TPCN1: variants seen among roughly 807,000 people sequenced by gnomAD.
The protein encoded by TPCN1 is two pore segment channel 1.
TPCN1 carries 52 observed loss-of-function variants against 108.8 expected under a neutral mutation model. That is an observed-to-expected ratio of 0.48 (90% confidence interval 0.38 to 0.60). The LOEUF is 0.60. TPCN1 is among the 20% of genes least tolerant of loss of function. TPCN1 has a pLI of 0.00. For missense variants in TPCN1, 806 were observed against 1,072.8 expected (o/e 0.75, Z 3.47); for synonymous variants, 446 against 433.7 (o/e 1.03, Z -0.35).
intron 2 of TPCN1, among the ~76,000 whole-genome samples, chr12:113,247,340 C>G (rs991233026): frequency 6.6e-6 from 1 of 152,240 alleles, no homozygotes; most frequent in Admixed American, 6.5e-5. Context: ...CACATCCTGA[C>G]TTACCAGGAC....
intron 2 of TPCN1, among the ~76,000 whole-genome samples, chr12:113,229,477 G>A (rs1043202676): frequency 3.9e-5 from 6 of 152,202 alleles, no homozygotes; most frequent in African/African-American, 1.4e-4. Flanking sequence ...TGTCCCTGCT[G>A]TCTGAGGAGC....
intron 1 of TPCN1, among the ~76,000 whole-genome samples, chr12:113,223,796 G>A (rs977980962): frequency 6.6e-6 from 1 of 151,978 alleles, no homozygotes; most frequent in Admixed American, 6.6e-5. Context: ...CACCTGCCTC[G>A]GCCTCTCAAA....
intron 2 of TPCN1, among the ~76,000 whole-genome samples, chr12:113,252,958 C>T (rs868840537): frequency 6.6e-6 from 1 of 152,208 alleles, no homozygotes; most frequent in African/African-American, 2.4e-5. Context: ...TGCAACTCCA[C>T]TGTAGTGATG....
At chr12:113,237,878 A>G (rs1415436277) in intron 2 of TPCN1, among the ~76,000 whole-genome samples, 1 of 152,150 alleles carries the variant, frequency 6.6e-6, no homozygotes, top group East Asian at 1.9e-4. Flanking sequence ...CATATCTCCC[A>G]CTTTGCCCTC....
chr12:113,271,052 G>C (rs1027810794), intron 7 of TPCN1, among the ~76,000 whole-genome samples: 1 of 152,088 alleles, frequency 6.6e-6, no homozygotes, highest in African/African-American at 2.4e-5. Context: ...GAGTCCAGGA[G>C]GTCGAGACCA....
In TPCN1 at chr12:113,268,864, C is replaced by T. The variant is rs1320331377; in HGVS notation, c.651C>T (p.Gly217=). ...TGGTGGACTGTCGGTATTGCGGTGG[C>T]GTCCGGCGGTAAGGCCCGGGTGGGG... is the stretch of plus-strand genomic sequence containing the variant. ...IFLVDCRYCG[G]VRRNLRQIFQ... The change falls in exon 6 of 28, where the codon GGC becomes GGT. Residue 217 remains glycine, a synonymous_variant. Coordinates refer to ENST00000335509, the MANE Select transcript of TPCN1 (RefSeq NM_017901.6). This position sits in a 1 kb window ranked among gnomAD's most constrained non-coding sequence, Gnocchi z 7.3. The T allele has an allele frequency of 6.2e-6, 10 of 1,613,838 alleles. No homozygotes were observed. The highest frequency in any genetic ancestry group is 1.7e-4 in the Middle Eastern group (1 of 6,048).
At chr12:113,275,852 A>G (rs1165758995) in intron 10 of TPCN1, among the ~76,000 whole-genome samples, 1 of 152,212 alleles carries the variant, frequency 6.6e-6, no homozygotes, top group Non-Finnish European at 1.5e-5. Flanking sequence ...CTGGGATTAC[A>G]GGCCACCGTG....
chr12:113,281,028 A>G (rs752992687), intron 15 of TPCN1, among the ~76,000 whole-genome samples: 4 of 152,084 alleles, frequency 2.6e-5, no homozygotes, highest in African/African-American at 4.8e-5. Flanking sequence ...GACTGATTTC[A>G]TCAATCTTAC....
At chr12:113,251,715 G>C (rs1227675299) in intron 2 of TPCN1, among the ~76,000 whole-genome samples, 1 of 152,264 alleles carries the variant, frequency 6.6e-6, no homozygotes, top group Non-Finnish European at 1.5e-5. Context: ...TAGGGAAAAG[G>C]GAGAGGGATG....
At chr12:113,249,419 A>T (rs1593116222) in intron 2 of TPCN1, 1 of 152,214 alleles carries the variant, frequency 6.6e-6, no homozygotes, top group South Asian at 2.1e-4. Context: ...CTGGATGGGG[A>T]GCCAGGAAGC....
chr12:113,292,792 G>T, intron 25 of TPCN1, 142 bp from the exon 26 acceptor site: 1 of 941,028 alleles, frequency 1.1e-6, no homozygotes, highest in Non-Finnish European at 1.6e-6. Flanking sequence ...GGGCCAACGA[G>T]GAGAGCAGGA....
rs1953727776 is a variant in TPCN1, at chr12:113,232,536, GC to G, written c.112+5576del. Among the ~76,000 whole-genome samples the G allele has an allele frequency of 6.6e-6, 1 of 152,234 alleles. No homozygotes were observed. The highest frequency in any genetic ancestry group is 1.5e-5 in the Non-Finnish European group (1 of 68,030). On this transcript the variant is annotated intron_variant, in intron 2 of 27. Coordinates refer to ENST00000335509, the MANE Select transcript of TPCN1 (RefSeq NM_017901.6). The surrounding 1 kb of genome is among the most constrained non-coding windows in gnomAD (Gnocchi z 5.6). ...CCGTGGCTCTGCCTCTGACCAGATGGCCCCAGCATACTTGCCAAAGAGTGAA... is the reference window on the plus strand; with the variant it reads ...CCGTGGCTCTGCCTCTGACCAGATGGCCCAGCATACTTGCCAAAGAGTGAA...
At chr12:113,239,128 G>C in intron 2 of TPCN1, among the ~76,000 whole-genome samples, 1 of 152,154 alleles carries the variant, frequency 6.6e-6, no homozygotes, top group East Asian at 1.9e-4. Context: ...GTAAGACCCT[G>C]TCTCTAGAAA....
chr12:113,244,580 A>G (rs890465666), intron 2 of TPCN1: 3 of 985,286 alleles, frequency 3.0e-6, no homozygotes, highest in East Asian at 2.3e-4. Flanking sequence ...CATGGTGGCA[A>G]CGCTGTGCCT....
At chr12:113,243,130 G>C (rs1181517451) in intron 2 of TPCN1, among the ~76,000 whole-genome samples, 1 of 152,200 alleles carries the variant, frequency 6.6e-6, no homozygotes, top group Admixed American at 6.5e-5. Flanking sequence ...AGCATTTTGG[G>C]AGGCTGAGGT....
chr12:113,292,954 G>A lies in TPCN1; in HGVS notation c.2134G>A (p.Glu712Lys), dbSNP rs1204868988. The change falls in exon 26 of 28, where the codon GAG becomes AAG. Residue 712 changes from glutamate to lysine, a missense_variant. By Grantham distance (56) the Glu-to-Lys change is moderately conservative. Coordinates refer to ENST00000335509, the MANE Select transcript of TPCN1 (RefSeq NM_017901.6). ...TGCAGTTGATGGTGGCATCACCCTT[G>A]AGAAGGAAATCTCCAAAGAAGAGCT... ...DSEVDGGITL[E>K]KEISKEELVA... 4.3e-6 allele frequency: 7 copies of A among 1,612,802 alleles called. No individual in the cohort carries two copies. The highest frequency in any genetic ancestry group is 5.9e-6 in the Non-Finnish European group (7 of 1,179,954).
intron 2 of TPCN1, among the ~76,000 whole-genome samples, chr12:113,241,758 C>CTGTGTGTGTG (rs1276832505): frequency 1.7e-5 from 2 of 119,616 alleles, no homozygotes; most frequent in African/African-American, 7.2e-5. Flanking sequence ...TTGCGTGCCT[C>CTGTGTGTGTG]TGCGTGTGTG....
chr12:113,236,386 C>T (rs971469264), intron 2 of TPCN1, among the ~76,000 whole-genome samples: 14 of 152,170 alleles, frequency 9.2e-5, no homozygotes, highest in African/African-American at 3.1e-4. Context: ...TGAATTCTGA[C>T]GGTACAGCCC....
intron 1 of TPCN1, among the ~76,000 whole-genome samples, chr12:113,222,718 C>CT (rs375479850): frequency 9.3e-4 from 141 of 151,400 alleles, no homozygotes; most frequent in South Asian, 1.5e-3. Context: ...CCCCCTGCCT[C>CT]TTTTTTTTTA....
Sources: allele counts gnomAD v4.1 joint callset (sites outside exome capture counted in the v4.1 genomes callset), GRCh38; gene constraint gnomAD v4.1.1; non-coding constraint Gnocchi (gnomAD v3.1); transcripts MANE v1.5; gene names NCBI Gene and HGNC (gene_info 2026-07-23, HGNC 2026-07-21).